SH3GL2: variants seen among roughly 807,000 people sequenced by gnomAD.
SH3GL2 encodes SH3 domain containing GRB2 like 2, endophilin A1.
Under a neutral mutation model 46.0 loss-of-function variants are expected in SH3GL2, and 24 were observed. The ratio of observed to expected loss-of-function variants is 0.52; its 90% CI spans 0.38 to 0.73. The LOEUF (loss-of-function observed/expected upper bound fraction) is 0.73, where lower values mean the gene tolerates loss of function less well. Among genes scored for constraint, SH3GL2 ranks in the 30% least tolerant of loss-of-function variants. The pLI is 0.00. For synonymous variants in SH3GL2, 196 were observed against 147.1 expected (o/e 1.33, Z -2.40); for missense variants, 413 against 424.2 (o/e 0.97, Z 0.23).
chr9:17,774,871 C>T (rs1357574067), intron 3 of SH3GL2, among the ~76,000 whole-genome samples: 1 of 151,958 alleles, frequency 6.6e-6, no homozygotes, highest in Admixed American at 6.6e-5. Context: ...GTTAGTTCTT[C>T]AAATATTTGG....
At chr9:17,765,761 G>A (rs186171009) in intron 3 of SH3GL2, among the ~76,000 whole-genome samples, 1 of 152,118 alleles carries the variant, frequency 6.6e-6, no homozygotes, top group African/African-American at 2.4e-5. Context: ...CTGCTTTTCA[G>A]TGGGGCACAT....
At chr9:17,732,095 G>A (rs770961146) in intron 1 of SH3GL2, among the ~76,000 whole-genome samples, 1 of 152,090 alleles carries the variant, frequency 6.6e-6, no homozygotes, top group African/African-American at 2.4e-5. Flanking sequence ...TGTTGAGTAG[G>A]CCAACTCACT....
intron 1 of SH3GL2, among the ~76,000 whole-genome samples, chr9:17,598,000 G>A (rs1818605785): frequency 6.6e-6 from 1 of 152,182 alleles, no homozygotes; most frequent in African/African-American, 2.4e-5. Context: ...GTGCAGTGTG[G>A]GAGACAGACC....
At chr9:17,787,589 A>G (rs1440689470) in intron 5 of SH3GL2, 76 bp downstream of exon 5, 1 of 1,258,384 alleles carries the variant, frequency 7.9e-7, no homozygotes, top group Non-Finnish European at 1.1e-6. Context: ...TTTAGAAAAC[A>G]TTTTTTTAGC....
chr9:17,770,169 T>C (rs1478196161), intron 3 of SH3GL2, among the ~76,000 whole-genome samples: 1 of 152,170 alleles, frequency 6.6e-6, no homozygotes, highest in Non-Finnish European at 1.5e-5. Context: ...CACAATTGCT[T>C]TGGGAAAAGT....
intron 1 of SH3GL2, among the ~76,000 whole-genome samples, chr9:17,593,188 G>C (rs1818515824): frequency 1.3e-5 from 2 of 152,210 alleles, no homozygotes; most frequent in Non-Finnish European, 1.5e-5. Context: ...GTGTTTCCCT[G>C]AGTTCCGTGT....
chr9:17,601,157 T>A (rs1196346119), intron 1 of SH3GL2, among the ~76,000 whole-genome samples: 1 of 152,214 alleles, frequency 6.6e-6, no homozygotes, highest in African/African-American at 2.4e-5. Flanking sequence ...GGTCACGTGG[T>A]GGCTGTGCCT....
chr9:17,753,746 G>A (rs1358588315), intron 2 of SH3GL2, among the ~76,000 whole-genome samples: 1 of 152,028 alleles, frequency 6.6e-6, no homozygotes, highest in Non-Finnish European at 1.5e-5. Flanking sequence ...TGAAATTTTT[G>A]CCCATGCCTA....
At chr9:17,780,543 A>C (rs1243163885) in intron 3 of SH3GL2, among the ~76,000 whole-genome samples, 1 of 142,390 alleles carries the variant, frequency 7.0e-6, no homozygotes, top group East Asian at 2.1e-4. Flanking sequence ...GGTTAGTTAC[A>C]TATGTATACA....
intron 1 of SH3GL2, among the ~76,000 whole-genome samples, chr9:17,619,891 G>A (rs568542431): frequency 6.6e-6 from 1 of 152,200 alleles, no homozygotes; most frequent in African/African-American, 2.4e-5. Context: ...AAATGTACCA[G>A]TTTATTCTCT....
intron 1 of SH3GL2, among the ~76,000 whole-genome samples, chr9:17,713,776 T>C (rs1365185278): frequency 6.6e-6 from 1 of 151,694 alleles, no homozygotes; most frequent in East Asian, 1.9e-4. Flanking sequence ...TTAAATGTAT[T>C]GAGAATTATT....
intron 1 of SH3GL2, among the ~76,000 whole-genome samples, chr9:17,678,187 C>T (rs576100558): frequency 1.3e-5 from 2 of 151,956 alleles, no homozygotes; most frequent in East Asian, 3.9e-4. Flanking sequence ...ATTTCTAGTT[C>T]TAGATCCCTG....
At chr9:17,779,203 C>T (rs935872676) in intron 3 of SH3GL2, among the ~76,000 whole-genome samples, 2 of 152,120 alleles carry the variant, frequency 1.3e-5, no homozygotes, top group Non-Finnish European at 2.9e-5. Context: ...TCCAAATCAT[C>T]AAGATAGAGA....
At chr9:17,783,482 C>T (rs1026026758) in intron 3 of SH3GL2, among the ~76,000 whole-genome samples, 6 of 151,702 alleles carry the variant, frequency 4.0e-5, no homozygotes, top group Non-Finnish European at 8.8e-5. Flanking sequence ...AGCAGAGCTT[C>T]CATTTTATTC....
intron 1 of SH3GL2, among the ~76,000 whole-genome samples, chr9:17,690,940 A>G (rs566015875): frequency 6.6e-6 from 1 of 152,322 alleles, no homozygotes; most frequent in African/African-American, 2.4e-5. Flanking sequence ...GGAAGTAAAC[A>G]GACTTCTGCA....
Position 17,601,690 on chromosome 9 carries a change from AC to A in SH3GL2, c.45+22404del, listed in dbSNP as rs373360162. ...GAGGAAGCCAGTGAGTGGTTCAATA[AC>A]ATTGTTAATTTTCAAGTTCTCTGGA... On this transcript the variant is annotated intron_variant, in intron 1 of 8. Coordinates refer to ENST00000380607, the MANE Select transcript of SH3GL2 (RefSeq NM_003026.5). 3.3e-5 allele frequency among the ~76,000 whole-genome samples: 5 copies of A among 152,282 alleles called. No homozygotes were observed. In the South Asian group the frequency reaches 8.3e-4, roughly 25 times the overall value.
chr9:17,629,858 T>C (rs928183411), intron 1 of SH3GL2, among the ~76,000 whole-genome samples: 2 of 152,214 alleles, frequency 1.3e-5, no homozygotes, highest in African/African-American at 4.8e-5. Context: ...ATTTGGACTT[T>C]CATATATTCA....
chr9:17,759,216 C>A (rs1295795475), intron 2 of SH3GL2, among the ~76,000 whole-genome samples: 1 of 152,166 alleles, frequency 6.6e-6, no homozygotes, highest in East Asian at 1.9e-4. Context: ...TGTGGTTCAG[C>A]AGATCAGCAT....
chr9:17,741,101 G>A (rs1020300860), intron 1 of SH3GL2, among the ~76,000 whole-genome samples: 6 of 152,034 alleles, frequency 3.9e-5, no homozygotes, highest in East Asian at 1.9e-4. Flanking sequence ...AGATTAGGCA[G>A]GATAATTTAT....
Sources: allele counts gnomAD v4.1 joint callset (sites outside exome capture counted in the v4.1 genomes callset), GRCh38; gene constraint gnomAD v4.1.1; transcripts MANE v1.5; gene names NCBI Gene and HGNC (gene_info 2026-07-23, HGNC 2026-07-21).